Variants in CSF2RA observed in about 807,000 individuals in gnomAD.
CSF2RA encodes colony stimulating factor 2 receptor subunit alpha, also known as granulocyte-macrophage colony-stimulating factor receptor subunit alpha.
A neutral mutation model predicts 51.6 loss-of-function variants in CSF2RA; 42 were observed. That is an observed-to-expected ratio of 0.81 (90% CI 0.64 to 1.05). CSF2RA has a LOEUF of 1.05. Among genes scored for constraint, CSF2RA ranks in the 50% least tolerant of loss-of-function variants. The pLI is 0.00. For synonymous variants in CSF2RA, 222 were observed against 193.0 expected, an observed-to-expected ratio of 1.15 and a Z score of -1.24; for missense variants, 530 against 501.1, an observed-to-expected ratio of 1.06 and a Z score of -0.55.
rs370551169 is a variant in CSF2RA, at chrX:1,283,543, CTTCT to C, written c.76+784_76+787del. On this transcript the variant is annotated intron_variant, in intron 3 of 12. Coordinates refer to ENST00000381529, the MANE Select transcript of CSF2RA (RefSeq NM_172245.4). ...CTTCTTTGTTTCTTTCTTCCTCTTTCTTCTTTCTTTCTTTCTTTCTTTCCTTCTT... is the reference window on the plus strand; with the variant it reads ...CTTCTTTGTTTCTTTCTTCCTCTTTCTTCTTTCTTTCTTTCTTTCCTTCTT... Among the ~76,000 whole-genome samples the C allele has an allele frequency of 1.8e-3, 202 of 113,576 alleles. 1 individual carries two copies. Among genetic ancestry groups the C allele is most frequent in the African/African-American group, 5.1e-3 (157 of 30,514 alleles). 74.5% of individuals were successfully genotyped at this position (113,576 alleles called of 152,430 possible).
downstream of CSF2RA, among the ~76,000 whole-genome samples, chrX:1,315,115 A>T (rs180734043): frequency 6.6e-6 from 1 of 151,966 alleles, no homozygotes. Flanking sequence ...GGTGGGAGTC[A>T]CACTGTGGGG....
the CSF2RA span, among the ~76,000 whole-genome samples, chrX:1,316,274 A>G: frequency 3.8e-4 from 26 of 68,698 alleles, 1 homozygote; most frequent in African/African-American, 1.1e-3. Context: ...AGATAGATAG[A>G]TAGATAGATA....
At chrX:1,305,352 C>A (rs1347914472) in intron 11 of CSF2RA, 94 bp from the exon 12 acceptor site, 1 of 1,363,866 alleles carries the variant, frequency 7.3e-7, no homozygotes. Context: ...AGCGCAGACA[C>A]CCCGCACGCA....
Position 1,307,845 on chromosome X carries a change from T to C in CSF2RA, c.1126-1557T>C, listed in dbSNP as rs866729537. On this transcript the variant is annotated intron_variant, in intron 12 of 12. Transcript: ENST00000381529. ...GCCTACCCTTCTCCCTTTAGACCTTTGACTGATTAGATGAGGCCTACCCTT... is the reference window on the plus strand; with the variant it reads ...GCCTACCCTTCTCCCTTTAGACCTTCGACTGATTAGATGAGGCCTACCCTT... Among the ~76,000 whole-genome samples, 5 of 137,584 alleles carry C rather than the reference T, an allele frequency of 3.6e-5. 1 individual carries two copies. The highest frequency in any genetic ancestry group is 2.1e-4 in the East Asian group (1 of 4,666). 90.3% of individuals were successfully genotyped at this position (137,584 alleles called of 152,430 possible).
chrX:1,273,747 AT>A (rs749510441), intron 1 of CSF2RA, among the ~76,000 whole-genome samples: 12,431 of 122,202 alleles, frequency 0.1, 698 homozygotes, highest in African/African-American at 0.23. Flanking sequence ...CGCCCAGCTA[AT>A]TTTTTTTTTT....
At chrX:1,269,496 A>G (rs185911161) in intron 1 of CSF2RA, among the ~76,000 whole-genome samples, 9,265 of 151,920 alleles carry the variant, frequency 0.061, 387 homozygotes, top group Non-Finnish European at 0.092. Flanking sequence ...GGTGGCAGGC[A>G]CCTGTAATCC....
chrX:1,277,589 A>C (rs1465325606), intron 2 of CSF2RA, among the ~76,000 whole-genome samples: 1 of 52,770 alleles, frequency 1.9e-5, no homozygotes, highest in African/African-American at 6.6e-5. Flanking sequence ...GAGTAAGTCC[A>C]TCTCAAAAAA....
At chrX:1,277,721 A>G (rs1269843604) in intron 2 of CSF2RA, among the ~76,000 whole-genome samples, 1 of 151,396 alleles carries the variant, frequency 6.6e-6, no homozygotes. Context: ...TCATGCCTGT[A>G]ATCCCAGCAC....
chrX:1,283,307 T>C lies in CSF2RA; in HGVS notation c.76+528T>C, dbSNP rs2090267986. Among the ~76,000 whole-genome samples, 4 of 148,742 alleles carry C rather than the reference T, an allele frequency of 2.7e-5. No homozygotes were observed. In the South Asian group the frequency reaches 8.6e-4, roughly 32 times the overall value. On this transcript the variant is annotated intron_variant, in intron 3 of 12. Transcript: ENST00000381529. ...CATTTCTTCTCTTTCTTTCTCTTCC[T>C]TCCTTCCCTCCTTCCCTTTCTCTCT...
Position 1,303,917 on chromosome X carries a change from C to CT in CSF2RA, c.947-5dup. 1.2e-6 allele frequency: 2 copies of CT among 1,609,210 alleles called. No homozygotes were observed. Among genetic ancestry groups the CT allele is most frequent in the South Asian group, 2.2e-5 (2 of 90,980 alleles). On this transcript the variant is annotated splice_polypyrimidine_tract_variant and splice_region_variant and intron_variant, in intron 10 of 12. Coordinates refer to ENST00000381529, the MANE Select transcript of CSF2RA (RefSeq NM_172245.4). The stretch of plus-strand genomic sequence containing the variant: ...ACCGCAGACGCAAACCTGTGTGTCT[C>CT]TCCAGGTTCTGACGACGGGAACCTC...
the CSF2RA span, among the ~76,000 whole-genome samples, chrX:1,315,958 G>C: frequency 4.8e-5 from 2 of 42,022 alleles, no homozygotes; most frequent in African/African-American, 1.5e-4. Flanking sequence ...ATAGATGATA[G>C]ATAAATAGAT....
chrX:1,316,669 G>A, the CSF2RA span, among the ~76,000 whole-genome samples: 8 of 152,340 alleles, frequency 5.3e-5, no homozygotes, highest in Admixed American at 1.3e-4. Flanking sequence ...GAACACCGGC[G>A]TCATGGGGCT....
At chrX:1,284,614 A>T (rs112309154) in intron 3 of CSF2RA, among the ~76,000 whole-genome samples, 421 of 24,036 alleles carry the variant, frequency 0.018, 1 homozygote, top group African/African-American at 0.038. Context: ...TTTTTTTTTT[A>T]AATTTTATAG....
chrX:1,289,927 G>C lies in CSF2RA; in HGVS notation c.474-410G>C, dbSNP rs1384825291. Among the ~76,000 whole-genome samples the C allele has an allele frequency of 5.9e-5, 5 of 84,760 alleles. 1 individual carries two copies. The highest frequency in any genetic ancestry group is 3.2e-4 in the Admixed American group (3 of 9,440). The allele number at this position is 84,760 out of a possible 152,430, so 55.6% of individuals were successfully genotyped here. On this transcript the variant is annotated intron_variant, in intron 6 of 12. Coordinates refer to ENST00000381529, the MANE Select transcript of CSF2RA (RefSeq NM_172245.4). ...TTTTTGTGTTTTGTTTTTGTGTTTT[G>C]TTTTGTTTTGTGTTTTTGTGTTTTG...
At chrX:1,314,221 ACC>A (rs1404530973), downstream of CSF2RA, among the ~76,000 whole-genome samples, 8 of 97,874 alleles carry the variant, frequency 8.2e-5, no homozygotes, top group African/African-American at 1.8e-4. Flanking sequence ...CACCTGCCCA[ACC>A]CCACTGCACC....
intron 9 of CSF2RA, 120 bp from the exon 10 acceptor site, chrX:1,300,371 A>G (rs1172505276): frequency 1.5e-6 from 2 of 1,295,616 alleles, no homozygotes; most frequent in Non-Finnish European, 2.2e-6. Context: ...GGTAGAAAAA[A>G]AAGAAGAAAA....
the CSF2RA span, among the ~76,000 whole-genome samples, chrX:1,316,780 GT>G: frequency 6.6e-5 from 10 of 152,186 alleles, no homozygotes; most frequent in African/African-American, 2.2e-4. Context: ...TGGGGAGCAA[GT>G]TCCCTAATTC....
intron 11 of CSF2RA, among the ~76,000 whole-genome samples, chrX:1,304,356 C>CAA (rs2083329564): frequency 3.5e-5 from 1 of 28,402 alleles, no homozygotes; most frequent in Non-Finnish European, 6.1e-5. Flanking sequence ...GCCGAGATTG[C>CAA]ACCACTGCAC....
downstream of CSF2RA, among the ~76,000 whole-genome samples, chrX:1,315,212 A>T (rs1388317556): frequency 6.6e-6 from 1 of 152,084 alleles, no homozygotes; most frequent in Non-Finnish European, 1.5e-5. Context: ...TGATGAGGAC[A>T]GGTGTGGTGA....
Sources: allele counts gnomAD v4.1 joint callset (sites outside exome capture counted in the v4.1 genomes callset), GRCh38; gene constraint gnomAD v4.1.1; transcripts MANE v1.5; gene names NCBI Gene and HGNC (gene_info 2026-07-23, HGNC 2026-07-21).